The following VTCN1 variants were observed in gnomAD, a reference collection of about 807,000 sequenced individuals.
VTCN1 encodes the protein V-set domain containing T cell activation inhibitor 1.
In VTCN1, 26 loss-of-function variants were observed where a neutral mutation model predicts 26.5. That is an observed-to-expected ratio of 0.98 (90% CI 0.72 to 1.36). The LOEUF is 1.36. Among genes scored for constraint, VTCN1 ranks in the 40% most tolerant of loss-of-function variants. The probability of loss-of-function intolerance (pLI) is 0.00; values close to 1 mark genes in which losing one functional copy is unlikely to be tolerated. For synonymous variants in VTCN1, 116 were observed against 130.7 expected (o/e 0.89, Z 0.77); for missense variants, 298 against 337.7 (o/e 0.88, Z 0.92).
intron 3 of VTCN1, 143 bp downstream of exon 3, chr1:117,156,431 C>T: frequency 7.6e-6 from 7 of 921,426 alleles, no homozygotes; most frequent in Non-Finnish European, 1.1e-5. Flanking sequence ...GAGTCTTGGC[C>T]ATAAAATGGC....
intron 4 of VTCN1, among the ~76,000 whole-genome samples, chr1:117,152,210 A>G (rs1366880561): frequency 1.3e-5 from 2 of 152,148 alleles, no homozygotes; most frequent in African/African-American, 4.8e-5. Flanking sequence ...TGAGTTGTAG[A>G]TAATTTTGGG....
intron 1 of VTCN1, among the ~76,000 whole-genome samples, chr1:117,184,697 G>A (rs779934620): frequency 1.3e-4 from 20 of 152,112 alleles, no homozygotes; most frequent in African/African-American, 1.9e-4. Flanking sequence ...TGTATGTAGC[G>A]TTGGGAGGAT....
chr1:117,182,461 C>T (rs1486316905), intron 1 of VTCN1, among the ~76,000 whole-genome samples: 2 of 152,302 alleles, frequency 1.3e-5, no homozygotes, highest in South Asian at 2.1e-4. Context: ...CAGACCCACC[C>T]CTTGAGGGCC....
chr1:117,200,649 G>A (rs1429732225), intron 1 of VTCN1, among the ~76,000 whole-genome samples: 5 of 152,172 alleles, frequency 3.3e-5, no homozygotes, highest in African/African-American at 1.2e-4. Flanking sequence ...TCCAAAGTTT[G>A]TGTTTAAGTT....
At chr1:117,153,456 C>A in intron 3 of VTCN1, 87 bp from the exon 4 acceptor site, 2 of 1,344,156 alleles carry the variant, frequency 1.5e-6, no homozygotes, top group South Asian at 1.6e-5. Context: ...CTTAAAAATG[C>A]AGTCATTTTT....
chr1:117,202,280 T>C (rs1409456438), intron 1 of VTCN1, among the ~76,000 whole-genome samples: 13 of 152,102 alleles, frequency 8.5e-5, no homozygotes, highest in Admixed American at 5.2e-4. Flanking sequence ...TGGCTTCGAG[T>C]TGGGGCAGCA....
intron 1 of VTCN1, among the ~76,000 whole-genome samples, chr1:117,187,500 C>T (rs889732166): frequency 2.9e-4 from 44 of 152,202 alleles, no homozygotes; most frequent in African/African-American, 1.1e-3. Flanking sequence ...ACAGACTCCT[C>T]CTTCTTTAGT....
In VTCN1 at chr1:117,183,781, G is replaced by A. The variant is rs1263462966; in HGVS notation, c.33-13610C>T. On this transcript the variant is annotated intron_variant, in intron 1 of 5. Coordinates refer to ENST00000369458, the MANE Select transcript of VTCN1 (RefSeq NM_024626.4). The surrounding 1 kb of genome is among the most constrained non-coding windows in gnomAD (Gnocchi z 4.1). ...CCTTGATAAAAATACTTGAAATGCT[G>A]AATAAAAAGAAAAAAATAAAAGACA... is the stretch of plus-strand genomic sequence containing the variant. Among the ~76,000 whole-genome samples, 1 of 151,992 alleles carries A rather than the reference G, an allele frequency of 6.6e-6. No homozygotes were observed. Among genetic ancestry groups the A allele is most frequent in the Non-Finnish European group, 1.5e-5 (1 of 68,004 alleles).
At chr1:117,164,510 G>A (rs563242944) in intron 2 of VTCN1, among the ~76,000 whole-genome samples, 23 of 150,614 alleles carry the variant, frequency 1.5e-4, no homozygotes, top group Admixed American at 9.2e-4. Flanking sequence ...ATATGAATGC[G>A]TTAATAATAG....
intron 1 of VTCN1, chr1:117,173,389 C>CAA (rs1553210333): frequency 6.3e-6 from 3 of 476,156 alleles, no homozygotes; most frequent in Admixed American, 3.8e-5. Context: ...CACACACACA[C>CAA]AACACCATGT....
At chr1:117,176,505 A>G (rs892100251) in intron 1 of VTCN1, among the ~76,000 whole-genome samples, 1 of 152,218 alleles carries the variant, frequency 6.6e-6, no homozygotes, top group African/African-American at 2.4e-5. Flanking sequence ...TTTTTGTTTT[A>G]TTCAAACATG....
At position 117,170,099 on chromosome 1, in the gene VTCN1, T is replaced by C. The variant is rs772021088; in HGVS notation, c.97+8A>G. The C allele has an allele frequency of 4.3e-6, 7 of 1,612,312 alleles. No individual in the cohort carries two copies. The South Asian group carries it at 6.6e-5, about 15-fold the overall frequency. On this transcript the variant is annotated splice_region_variant and intron_variant, in intron 2 of 5. Transcript: ENST00000369458. ...GAATAGATTGTAGTAATGCAAGAAA[T>C]CACATACCTGAAATACCAAAGCCAA...
rs548471212 is a variant in VTCN1 at position 117,147,798 on chromosome 1, A to G, written c.725-16T>C. 205 of 1,612,530 alleles carry G rather than the reference A, an allele frequency of 1.3e-4. 4 individuals are homozygous for G. In the South Asian group the frequency reaches 2.1e-3, roughly 17 times the overall value. On this transcript the variant is annotated splice_polypyrimidine_tract_variant and intron_variant, in intron 4 of 5. Coordinates refer to ENST00000369458, the MANE Select transcript of VTCN1 (RefSeq NM_024626.4). The surrounding 1 kb of genome is among the most constrained non-coding windows in gnomAD (Gnocchi z 4.6). ...ATCTCCGATTCTGTGAAGTGAGAGA[A>G]AAAGTTTAGGGTCATACAGGAGAAG...
At chr1:117,180,799 C>T (rs998137334) in intron 1 of VTCN1, among the ~76,000 whole-genome samples, 6 of 152,238 alleles carry the variant, frequency 3.9e-5, no homozygotes, top group African/African-American at 9.6e-5. Flanking sequence ...CGCCTCTCTC[C>T]ACTTCTGCTC....
At position 117,147,291 on chromosome 1, in the gene VTCN1, G is replaced by C. The variant is rs114955903; in HGVS notation, c.*45+322C>G. On this transcript the variant is annotated intron_variant, in intron 5 of 5. Transcript: ENST00000369458. This position sits in a 1 kb window ranked among gnomAD's most constrained non-coding sequence, Gnocchi z 4.6. ...GCTTTATAAATAACAGTGGAATCCAGGGTAATTACTCAGGGCTAAATATCT... is the reference window on the plus strand; with the variant it reads ...GCTTTATAAATAACAGTGGAATCCACGGTAATTACTCAGGGCTAAATATCT... Among the ~76,000 whole-genome samples the C allele has an allele frequency of 0.054, 8,201 of 152,206 alleles. 270 individuals are homozygous for C. Among genetic ancestry groups the C allele is most frequent in the South Asian group, 0.081 (391 of 4,816 alleles).
intron 4 of VTCN1, among the ~76,000 whole-genome samples, chr1:117,151,348 G>A (rs979595701): frequency 2.6e-5 from 4 of 152,168 alleles, no homozygotes; most frequent in Non-Finnish European, 4.4e-5. Context: ...TGAAGCTGCA[G>A]ACCTTCGCAG....
At chr1:117,209,402 G>T (rs1649251369) in intron 1 of VTCN1, among the ~76,000 whole-genome samples, 1 of 152,216 alleles carries the variant, frequency 6.6e-6, no homozygotes, top group Non-Finnish European at 1.5e-5. Flanking sequence ...ACTGGGACTG[G>T]CAGGAGCAGG....
chr1:117,181,667 G>A (rs1316242593), intron 1 of VTCN1, among the ~76,000 whole-genome samples: 1 of 152,176 alleles, frequency 6.6e-6, no homozygotes, highest in Non-Finnish European at 1.5e-5. Flanking sequence ...ACCTCAGGAG[G>A]CTGAACATGT....
intron 3 of VTCN1, among the ~76,000 whole-genome samples, chr1:117,154,718 G>T (rs746585409): frequency 6.7e-6 from 1 of 150,348 alleles, no homozygotes; most frequent in Non-Finnish European, 1.5e-5. Context: ...GGGAGGCGCA[G>T]GTTGCTGTGA....
Sources: gnomAD v4.1 joint callset for allele counts (sites outside exome capture counted in the v4.1 genomes callset) on GRCh38, gnomAD v4.1.1 for gene constraint, Gnocchi (gnomAD v3.1) non-coding constraint, MANE v1.5 for transcripts, NCBI Gene and HGNC (gene_info 2026-07-23, HGNC 2026-07-21) for gene names.